The following UBE3D variants were observed in gnomAD, a reference collection of about 807,000 sequenced individuals.
The protein encoded by UBE3D is ubiquitin protein ligase E3D, also known as E3 ubiquitin-protein ligase E3D.
UBE3D carries 48 observed loss-of-function variants against 49.6 expected under a neutral mutation model. The ratio of observed to expected loss-of-function variants is 0.97; its 90% CI spans 0.77 to 1.23. The LOEUF (loss-of-function observed/expected upper bound fraction) is 1.23, where lower values mean the gene tolerates loss of function less well. Ranked by LOEUF, UBE3D falls within the 50% of genes most tolerant of loss-of-function variation. UBE3D has a pLI of 0.00. For missense variants in UBE3D, 452 were observed against 468.4 expected, an observed-to-expected ratio of 0.96 and a Z score of 0.32; for synonymous variants, 189 against 174.2, an observed-to-expected ratio of 1.08 and a Z score of -0.67.
chr6:82,946,394 G>C (rs560622720), intron 9 of UBE3D, among the ~76,000 whole-genome samples: 2 of 152,036 alleles, frequency 1.3e-5, no homozygotes, highest in Admixed American at 1.3e-4. Flanking sequence ...ATTTACCCTA[G>C]AGTAGTATAT....
chr6:82,975,609 A>G (rs992069959), intron 8 of UBE3D, among the ~76,000 whole-genome samples: 1 of 152,166 alleles, frequency 6.6e-6, no homozygotes, highest in African/African-American at 2.4e-5. Context: ...TGTGAAATGA[A>G]ATGTCTTTGA....
intron 8 of UBE3D, among the ~76,000 whole-genome samples, chr6:82,984,246 T>C (rs531838915): frequency 2.6e-4 from 40 of 152,194 alleles, no homozygotes; most frequent in Non-Finnish European, 1.6e-4. Flanking sequence ...ATTAATTTTA[T>C]AGTTGTATGG....
In UBE3D at chr6:83,057,924, G is replaced by T; in HGVS notation, c.176C>A (p.Ala59Glu). Residue 59 changes from alanine to glutamate, a missense_variant, in exon 2 of 10, where the codon GCA (alanine) becomes GAA (glutamate). Coordinates refer to ENST00000369747, the MANE Select transcript of UBE3D (RefSeq NM_198920.3). ...AGAGGAAGGTACAAGCCTGACCTCT[G>T]CTGGAAGCTGGATTTCTGTGCAGCC... ...PEGCTEIQLP[A>E]EVRLVPSSCR... 1.2e-6 allele frequency: 2 copies of T among 1,614,156 alleles called. No homozygotes were observed.
At chr6:82,907,318 G>A (rs1408760527) in intron 9 of UBE3D, among the ~76,000 whole-genome samples, 1 of 152,158 alleles carries the variant, frequency 6.6e-6, no homozygotes, top group Non-Finnish European at 1.5e-5. Flanking sequence ...ATTAGGAGGA[G>A]TATTTCTAAC....
intron 8 of UBE3D, among the ~76,000 whole-genome samples, chr6:83,013,511 G>C (rs568683518): frequency 6.6e-6 from 1 of 152,252 alleles, no homozygotes; most frequent in South Asian, 2.1e-4. Flanking sequence ...GCCTTCTCCT[G>C]TTCTGGACTC....
intron 9 of UBE3D, among the ~76,000 whole-genome samples, chr6:82,927,931 G>T (rs1407859343): frequency 1.3e-5 from 2 of 151,850 alleles, no homozygotes; most frequent in African/African-American, 4.8e-5. Flanking sequence ...GTATTCTTAG[G>T]GAGATGGAAA....
At chr6:83,035,172 C>G (rs866050211) in intron 5 of UBE3D, among the ~76,000 whole-genome samples, 2 of 119,936 alleles carry the variant, frequency 1.7e-5, no homozygotes, top group African/African-American at 6.3e-5. Context: ...CAGAGTGAGA[C>G]TATGTCTCAA....
chr6:82,945,228 G>T (rs773980211), intron 9 of UBE3D, among the ~76,000 whole-genome samples: 1 of 152,200 alleles, frequency 6.6e-6, no homozygotes, highest in Non-Finnish European at 1.5e-5. Context: ...AGGGGCGATT[G>T]TGTCACCTCA....
chr6:82,985,008 C>CTTTTTTTTTTTTTTTTTT (rs70987727), intron 8 of UBE3D, among the ~76,000 whole-genome samples: 9 of 52,996 alleles, frequency 1.7e-4, no homozygotes, highest in South Asian at 1.0e-3. Flanking sequence ...TCTTCTTCTT[C>CTTTTTTTTTTTTTTTTTT]TTTTTTTTTT....
intron 8 of UBE3D, among the ~76,000 whole-genome samples, chr6:82,995,375 G>T (rs1280446137): frequency 4.7e-5 from 6 of 128,484 alleles, no homozygotes; most frequent in South Asian, 2.9e-4. Context: ...TTTCAATTGT[G>T]ACAGTATCAA....
chr6:82,894,883 C>T (rs1330316279), intron 9 of UBE3D, among the ~76,000 whole-genome samples: 1 of 152,194 alleles, frequency 6.6e-6, no homozygotes, highest in East Asian at 1.9e-4. Flanking sequence ...AATGACGCTG[C>T]TTATATTCAA....
chr6:83,006,681 G>A (rs1780002985), intron 8 of UBE3D, among the ~76,000 whole-genome samples: 1 of 152,166 alleles, frequency 6.6e-6, no homozygotes, highest in South Asian at 2.1e-4. Context: ...GTGGTATTTT[G>A]CTATGGCAGC....
At chr6:82,981,408 C>T (rs931151051) in intron 8 of UBE3D, among the ~76,000 whole-genome samples, 3 of 152,048 alleles carry the variant, frequency 2.0e-5, no homozygotes, top group African/African-American at 4.8e-5. Flanking sequence ...GTCCAAGTCA[C>T]AGGTGTTAAA....
At chr6:82,982,771 GT>G (rs1459558598) in intron 8 of UBE3D, among the ~76,000 whole-genome samples, 1 of 152,072 alleles carries the variant, frequency 6.6e-6, no homozygotes, top group African/African-American at 2.4e-5. Flanking sequence ...CTTCATGATG[GT>G]TCAGAAAATG....
downstream of UBE3D, among the ~76,000 whole-genome samples, chr6:82,888,653 A>G (rs1770931275): frequency 6.6e-6 from 1 of 152,144 alleles, no homozygotes; most frequent in African/African-American, 2.4e-5. Context: ...GTACCTTGTA[A>G]CCAAAGGATC....
intron 9 of UBE3D, among the ~76,000 whole-genome samples, chr6:82,942,022 G>A (rs293522): frequency 0.66 from 100,213 of 152,054 alleles, 33,773 homozygotes; most frequent in East Asian, 0.79. Context: ...ACTGGGAAAC[G>A]GGCAGAGGTT....
At chr6:82,962,166 T>A (rs1275409296) in intron 8 of UBE3D, among the ~76,000 whole-genome samples, 1 of 152,032 alleles carries the variant, frequency 6.6e-6, no homozygotes, top group Non-Finnish European at 1.5e-5. Context: ...AATAATCTGG[T>A]TTTTACATTT....
At chr6:82,969,372 C>T (rs1051788353) in intron 8 of UBE3D, among the ~76,000 whole-genome samples, 5 of 151,960 alleles carry the variant, frequency 3.3e-5, no homozygotes, top group African/African-American at 7.3e-5. Context: ...TTTGAGAGGC[C>T]GAGGTGGGTG....
intron 9 of UBE3D, among the ~76,000 whole-genome samples, chr6:82,904,710 T>C (rs577659468): frequency 2.9e-4 from 44 of 152,318 alleles, no homozygotes; most frequent in African/African-American, 9.4e-4. Flanking sequence ...TGTTTAATTG[T>C]TTATTTTTAA....
Sources: allele counts gnomAD v4.1 joint callset (sites outside exome capture counted in the v4.1 genomes callset), GRCh38; gene constraint gnomAD v4.1.1; transcripts MANE v1.5; gene names NCBI Gene and HGNC (gene_info 2026-07-23, HGNC 2026-07-21).